The following CHMP4B variants were observed in gnomAD, a reference collection of about 807,000 sequenced individuals.
CHMP4B encodes charged multivesicular body protein 4B.
In CHMP4B, 1 loss-of-function variant was observed where a neutral mutation model predicts 25.1. The ratio of observed to expected loss-of-function variants is 0.04; its 90% CI spans 0.01 to 0.19. The LOEUF is 0.19. Ranked by LOEUF, CHMP4B falls within the 10% of genes least tolerant of loss-of-function variation. CHMP4B has a pLI of 1.00. For missense variants in CHMP4B, 151 were observed against 289.7 expected, an observed-to-expected ratio of 0.52 and a Z score of 3.48; for synonymous variants, 101 against 115.6, an observed-to-expected ratio of 0.87 and a Z score of 0.81.
chr20:33,850,973 G>A lies in CHMP4B; in HGVS notation c.390G>A (p.Glu130=). The change falls in exon 3 of 5, where the codon GAG becomes GAA. Residue 130 remains glutamate (E), a synonymous_variant. Coordinates refer to ENST00000217402, the MANE Select transcript of CHMP4B (RefSeq NM_176812.5). ...GAAGGGACATCGATAAAGTTGATGA[G>A]TTAATGCAGGACATTGCTGACCAGC... ...HDNMDIDKVD[E]LMQDIADQQE... The A allele has an allele frequency of 1.2e-6, 2 of 1,613,602 alleles. No homozygotes were observed. Among genetic ancestry groups the A allele is most frequent in the Non-Finnish European group, 1.7e-6 (2 of 1,179,448 alleles).
At position 33,853,857 on chromosome 20, in the gene CHMP4B, C is replaced by T. The variant is rs1189763495; in HGVS notation, c.*297C>T. 1.0e-5 allele frequency: 5 copies of T among 482,404 alleles called. No individual in the cohort carries two copies. The highest frequency in any genetic ancestry group is 9.7e-5 in the African/African-American group (5 of 51,296). 29.9% of individuals were successfully genotyped at this position (482,404 alleles called of 1,614,324 possible). On this transcript the variant is annotated 3_prime_UTR_variant, in exon 5 of 5. Transcript: ENST00000217402. ...ACATTGAGCTTCTGGACTACGCTGA[C>T]TCCACTGCTGAATCCTCAATGGAAA...
intron 1 of CHMP4B, among the ~76,000 whole-genome samples, chr20:33,813,242 C>G (rs1228493195): frequency 6.6e-6 from 1 of 151,628 alleles, no homozygotes; most frequent in East Asian, 1.9e-4. Flanking sequence ...AAGAGAGAGA[C>G]CCTTGTGTCC....
At chr20:33,836,949 A>G (rs935924581) in intron 1 of CHMP4B, among the ~76,000 whole-genome samples, 6 of 152,210 alleles carry the variant, frequency 3.9e-5, no homozygotes, top group Admixed American at 1.3e-4. Context: ...AGCAGAAGGA[A>G]GAGTCTGGAT....
chr20:33,838,812 G>T (rs1001910758), intron 1 of CHMP4B, among the ~76,000 whole-genome samples: 1 of 152,066 alleles, frequency 6.6e-6, no homozygotes, highest in Non-Finnish European at 1.5e-5. Context: ...CTCCAGGGCT[G>T]CCTGCTGGGT....
At chr20:33,833,351 C>A (rs758264010) in intron 1 of CHMP4B, among the ~76,000 whole-genome samples, 7 of 152,194 alleles carry the variant, frequency 4.6e-5, no homozygotes, top group Non-Finnish European at 8.8e-5. Context: ...GTCTCCATTT[C>A]CTTCTGTTGT....
chr20:33,844,980 T>G (rs138197614), intron 1 of CHMP4B, among the ~76,000 whole-genome samples: 2 of 152,114 alleles, frequency 1.3e-5, no homozygotes, highest in African/African-American at 2.4e-5. Context: ...AGGATGGTCT[T>G]GATCTCCTGA....
chr20:33,853,598 T>G lies in CHMP4B; in HGVS notation c.*38T>G. ...CTGGCTGGGCCCAGACAGACTGTGG[T>G]GGCCTGCGCAGCGAGCAGGCGTGTG... On this transcript the variant is annotated 3_prime_UTR_variant, in exon 5 of 5. Transcript: ENST00000217402. The G allele has an allele frequency of 6.3e-7, 1 of 1,588,988 alleles. No homozygotes were observed. Among genetic ancestry groups the G allele is most frequent in the Non-Finnish European group, 8.6e-7 (1 of 1,157,480 alleles).
intron 1 of CHMP4B, among the ~76,000 whole-genome samples, chr20:33,819,139 T>C (rs1321897227): frequency 6.6e-6 from 1 of 152,190 alleles, no homozygotes; most frequent in East Asian, 1.9e-4. Context: ...CTTGAACTCC[T>C]GACCTCAAGT....
At chr20:33,818,004 C>T (rs141353774) in intron 1 of CHMP4B, among the ~76,000 whole-genome samples, 117 of 152,248 alleles carry the variant, frequency 7.7e-4, no homozygotes, top group Middle Eastern at 3.4e-3. Context: ...TTGGTAGTTA[C>T]TTATATTTCT....
intron 1 of CHMP4B, among the ~76,000 whole-genome samples, chr20:33,843,382 A>G (rs754724496): frequency 1.6e-4 from 24 of 152,222 alleles, no homozygotes; most frequent in Admixed American, 9.2e-4. Flanking sequence ...TTAAACTTCT[A>G]TTGGCCTGGC....
chr20:33,824,042 AT>A (rs1209104924), intron 1 of CHMP4B, among the ~76,000 whole-genome samples: 1 of 152,156 alleles, frequency 6.6e-6, no homozygotes, highest in Non-Finnish European at 1.5e-5. Context: ...TTGGAAATCA[AT>A]TTTTATAATA....
chr20:33,819,317 T>G (rs1978868895), intron 1 of CHMP4B, among the ~76,000 whole-genome samples: 1 of 152,214 alleles, frequency 6.6e-6, no homozygotes, highest in Non-Finnish European at 1.5e-5. Flanking sequence ...GCCATTTGTT[T>G]AGGAACTAGT....
chr20:33,848,099 A>C (rs1979738128), intron 1 of CHMP4B, among the ~76,000 whole-genome samples: 1 of 152,132 alleles, frequency 6.6e-6, no homozygotes, highest in Admixed American at 6.6e-5. Flanking sequence ...TGCTGCTCAC[A>C]CTGACCCCAT....
chr20:33,848,585 C>T lies in CHMP4B; in HGVS notation c.309C>T (p.Thr103=), dbSNP rs534989307. ...REALENANTN[T]EVLKNMGYAA... The stretch of plus-strand genomic sequence containing the variant: ...CCCTGGAGAATGCCAACACCAACAC[C>T]GAGGTGCTCAAGAACATGGGCTATG... The change falls in exon 2 of 5, where the codon ACC becomes ACT. Residue 103 remains threonine, a synonymous_variant. Coordinates refer to ENST00000217402, the MANE Select transcript of CHMP4B (RefSeq NM_176812.5). The T allele has an allele frequency of 3.1e-5, 50 of 1,614,204 alleles. No homozygotes were observed. In the Middle Eastern group the frequency reaches 6.6e-4, roughly 21 times the overall value.
At chr20:33,849,659 A>AGT (rs1308327453) in intron 2 of CHMP4B, among the ~76,000 whole-genome samples, 1 of 152,228 alleles carries the variant, frequency 6.6e-6, no homozygotes. Flanking sequence ...TAGATTTGGC[A>AGT]GCATATATTT....
intron 1 of CHMP4B, among the ~76,000 whole-genome samples, chr20:33,823,806 C>T (rs1259901955): frequency 2.0e-5 from 3 of 152,176 alleles, no homozygotes; most frequent in Non-Finnish European, 2.9e-5. Context: ...TCCCGAAGTG[C>T]TGGGATTACA....
At chr20:33,838,391 AGT>A (rs1202038072) in intron 1 of CHMP4B, among the ~76,000 whole-genome samples, 2 of 152,158 alleles carry the variant, frequency 1.3e-5, no homozygotes, top group African/African-American at 4.8e-5. Flanking sequence ...CAGACTGGAA[AGT>A]GTGTGCCCCT....
chr20:33,853,888 G>A lies in CHMP4B; in HGVS notation c.*328G>A, dbSNP rs140148563. ...TGCTGAATCCTCAATGGAAAGGGTC[G>A]ACTGGTTGCAGTTGAAATGACCTGA... On this transcript the variant is annotated 3_prime_UTR_variant, in exon 5 of 5. Transcript: ENST00000217402. 3.0e-5 allele frequency: 13 copies of A among 428,566 alleles called. 1 individual carries two copies. In the East Asian group the frequency reaches 6.1e-4, roughly 20 times the overall value. 26.5% of individuals were successfully genotyped at this position (428,566 alleles called of 1,614,324 possible). A position where few individuals can be genotyped will look rare whatever the true frequency, so the allele number is the denominator to read the frequency against.
chr20:33,841,125 A>C (rs774165794), intron 1 of CHMP4B, among the ~76,000 whole-genome samples: 3 of 152,124 alleles, frequency 2.0e-5, no homozygotes, highest in Admixed American at 6.5e-5. Context: ...TATTTCTTTC[A>C]TCTTTGTCCC....
Sources: allele counts gnomAD v4.1 joint callset (sites outside exome capture counted in the v4.1 genomes callset), GRCh38; gene constraint gnomAD v4.1.1; transcripts MANE v1.5; gene names NCBI Gene and HGNC (gene_info 2026-07-23, HGNC 2026-07-21).